The following LEKR1 variants were observed in gnomAD, a reference collection of about 807,000 sequenced individuals.
The protein encoded by LEKR1 is protein LEKR1.
LEKR1 carries 59 observed loss-of-function variants against 72.4 expected under a neutral mutation model. The ratio of observed to expected loss-of-function variants is 0.82; its 90% CI spans 0.66 to 1.01. The LOEUF is 1.01. Ranked by LOEUF, LEKR1 falls within the 50% of genes least tolerant of loss-of-function variation. The pLI, the probability that LEKR1 is intolerant of heterozygous loss-of-function variation, is 0.00. For missense variants in LEKR1, 728 were observed against 759.2 expected, an observed-to-expected ratio of 0.96 and a Z score of 0.48; for synonymous variants, 257 against 263.2, an observed-to-expected ratio of 0.98 and a Z score of 0.23.
At chr3:156,905,136 A>G (rs1164438204) in intron 3 of LEKR1, among the ~76,000 whole-genome samples, 1 of 152,150 alleles carries the variant, frequency 6.6e-6, no homozygotes, top group Non-Finnish European at 1.5e-5. Context: ...AGTCAAGCCA[A>G]TATTTTTAGA....
chr3:156,892,871 C>T (rs1720802975), intron 3 of LEKR1, among the ~76,000 whole-genome samples: 2 of 152,170 alleles, frequency 1.3e-5, no homozygotes, highest in Non-Finnish European at 2.9e-5. Flanking sequence ...AAATTTAGCA[C>T]AGTTTGGTGG....
intron 3 of LEKR1, among the ~76,000 whole-genome samples, chr3:156,870,202 A>T (rs1461760915): frequency 6.6e-6 from 1 of 151,900 alleles, no homozygotes; most frequent in Non-Finnish European, 1.5e-5. Context: ...CCTTGGTTCC[A>T]CGCAAATTTT....
rs200535143 is a variant in LEKR1, at chr3:156,997,064, T to TA, written c.1109+3803dup. On this transcript the variant is annotated intron_variant, in intron 9 of 12. Transcript: ENST00000356539. ...TGGGCAACAAGAGCAAAACTTCATT[T>TA]AAAAAAAAAAAAAAAAGATATTCTG... is the stretch of plus-strand genomic sequence containing the variant. Among the ~76,000 whole-genome samples, 587 of 140,146 alleles carry TA rather than the reference T, an allele frequency of 4.2e-3. 4 individuals are homozygous for TA. Among genetic ancestry groups the TA allele is most frequent in the Admixed American group, 6.3e-3 (88 of 13,990 alleles). The allele number at this position is 140,146 out of a possible 152,430, so 91.9% of individuals were successfully genotyped here. A position where few individuals can be genotyped will look rare whatever the true frequency, so the allele number is the denominator to read the frequency against.
chr3:157,033,351 T>C (rs1179286568), intron 12 of LEKR1, among the ~76,000 whole-genome samples: 1 of 152,218 alleles, frequency 6.6e-6, no homozygotes, highest in East Asian at 1.9e-4. Context: ...AAGGAAAAGT[T>C]CTTGAAGGCA....
intron 3 of LEKR1, among the ~76,000 whole-genome samples, chr3:156,854,539 T>A (rs919791546): frequency 6.6e-6 from 1 of 150,474 alleles, no homozygotes. Context: ...CTCTTTTCTT[T>A]CTTTCCTTTT....
intron 3 of LEKR1, chr3:156,888,491 C>A: frequency 1.5e-6 from 1 of 654,702 alleles, no homozygotes; most frequent in Non-Finnish European, 2.8e-6. Flanking sequence ...TATTATGATA[C>A]TAAGCCAGAA....
At chr3:156,984,975 A>C (rs1163204793) in intron 7 of LEKR1, among the ~76,000 whole-genome samples, 1 of 151,836 alleles carries the variant, frequency 6.6e-6, no homozygotes, top group Non-Finnish European at 1.5e-5. Context: ...TTTTCCTCTC[A>C]CCTTCCTGTT....
At chr3:156,932,497 G>C (rs1243398398) in intron 5 of LEKR1, among the ~76,000 whole-genome samples, 1 of 152,090 alleles carries the variant, frequency 6.6e-6, no homozygotes, top group African/African-American at 2.4e-5. Flanking sequence ...TCAATAGCTT[G>C]AGCTCAAGAG....
Position 157,045,766 on chromosome 3 carries a change from A to G in LEKR1, c.*16A>G, listed in dbSNP as rs773501863. The G allele has an allele frequency of 3.1e-6, 5 of 1,601,072 alleles. No individual in the cohort carries two copies. The highest frequency in any genetic ancestry group is 1.7e-5 in the Admixed American group (1 of 59,970). On this transcript the variant is annotated 3_prime_UTR_variant, in exon 13 of 13. Coordinates refer to ENST00000356539, the MANE Select transcript of LEKR1 (RefSeq NM_001004316.3). ...TCAGCAATGATCCAAAATGAGGAGC[A>G]GGAAGCTCCCTACAGCGTGCACGCT...
At chr3:156,884,969 C>G (rs1719896920) in intron 3 of LEKR1, among the ~76,000 whole-genome samples, 1 of 152,018 alleles carries the variant, frequency 6.6e-6, no homozygotes, top group South Asian at 2.1e-4. Flanking sequence ...AGACTTTGTT[C>G]ATTTTCTAAA....
intron 9 of LEKR1, among the ~76,000 whole-genome samples, chr3:157,010,161 CAA>C (rs1375508628): frequency 6.6e-6 from 1 of 151,858 alleles, no homozygotes; most frequent in Non-Finnish European, 1.5e-5. Context: ...CTCAAAGAAA[CAA>C]ATTTTTGTTT....
chr3:156,835,094 T>C (rs1386958360), intron 2 of LEKR1, among the ~76,000 whole-genome samples: 2 of 152,230 alleles, frequency 1.3e-5, no homozygotes. Flanking sequence ...TTCTATTTCC[T>C]ATTTTAGACT....
intron 3 of LEKR1, among the ~76,000 whole-genome samples, chr3:156,881,152 C>A (rs1576728613): frequency 6.6e-6 from 1 of 152,116 alleles, no homozygotes; most frequent in Non-Finnish European, 1.5e-5. Flanking sequence ...CTAGCCAGGG[C>A]AATTAGGCAG....
intron 3 of LEKR1, among the ~76,000 whole-genome samples, chr3:156,896,466 A>C (rs1443079362): frequency 6.6e-6 from 1 of 152,224 alleles, no homozygotes; most frequent in Non-Finnish European, 1.5e-5. Context: ...GTCCAACATC[A>C]CTATTCATTA....
intron 3 of LEKR1, among the ~76,000 whole-genome samples, chr3:156,893,376 G>C (rs1164917799): frequency 6.6e-6 from 1 of 152,108 alleles, no homozygotes; most frequent in Non-Finnish European, 1.5e-5. Flanking sequence ...TATTTTACAA[G>C]AAAAATAATA....
At chr3:156,954,112 A>G (rs1295978435) in intron 6 of LEKR1, among the ~76,000 whole-genome samples, 2 of 151,910 alleles carry the variant, frequency 1.3e-5, no homozygotes, top group Non-Finnish European at 2.9e-5. Flanking sequence ...TTCTCTAATG[A>G]TCATGATGAT....
intron 11 of LEKR1, among the ~76,000 whole-genome samples, chr3:157,026,521 G>C (rs1328305292): frequency 6.6e-6 from 1 of 152,186 alleles, no homozygotes; most frequent in African/African-American, 2.4e-5. Flanking sequence ...GAAAACCACT[G>C]TGCAGACCTG....
chr3:156,995,226 T>C (rs1037127024), intron 9 of LEKR1, among the ~76,000 whole-genome samples: 7 of 152,226 alleles, frequency 4.6e-5, no homozygotes, highest in South Asian at 2.1e-4. Flanking sequence ...GTAGAATATA[T>C]ATATAGCTTT....
At chr3:156,898,179 C>G (rs62275253) in intron 3 of LEKR1, among the ~76,000 whole-genome samples, 4,837 of 152,134 alleles carry the variant, frequency 0.032, 115 homozygotes, top group Non-Finnish European at 0.048. Flanking sequence ...GACAGCTTTG[C>G]AGGGCCATTT....
Sources: gnomAD v4.1 joint callset for allele counts (sites outside exome capture counted in the v4.1 genomes callset) on GRCh38, gnomAD v4.1.1 for gene constraint, MANE v1.5 for transcripts, NCBI Gene and HGNC (gene_info 2026-07-23, HGNC 2026-07-21) for gene names.